The following ETS1 variants were observed in gnomAD, a reference collection of about 807,000 sequenced individuals.
The protein encoded by ETS1 is ETS proto-oncogene 1, transcription factor, also known as protein C-ets-1.
A neutral mutation model predicts 58.6 loss-of-function variants in ETS1; 15 were observed. The ratio of observed to expected loss-of-function variants is 0.26; its 90% CI spans 0.17 to 0.39. The LOEUF (loss-of-function observed/expected upper bound fraction) is 0.39. ETS1 is among the 10% of genes least tolerant of loss of function. ETS1 has a pLI of 1.00. For synonymous variants in ETS1, 214 were observed against 218.2 expected (o/e 0.98, Z 0.17); for missense variants, 417 against 610.5 (o/e 0.68, Z 3.34).
intron 3 of ETS1, among the ~76,000 whole-genome samples, chr11:128,514,731 T>C (rs749615265): frequency 1.1e-4 from 16 of 152,208 alleles, no homozygotes; most frequent in Non-Finnish European, 2.2e-4. Context: ...ACCACCCATC[T>C]ACCCATGAGG....
chr11:128,496,470 C>G (rs554349288), intron 3 of ETS1, among the ~76,000 whole-genome samples: 1 of 152,224 alleles, frequency 6.6e-6, no homozygotes, highest in Non-Finnish European at 1.5e-5. Context: ...AAGGTAATAT[C>G]ATTGCCAAAC....
intron 3 of ETS1, among the ~76,000 whole-genome samples, chr11:128,541,181 G>A (rs561250744): frequency 1.1e-4 from 17 of 152,264 alleles, no homozygotes; most frequent in South Asian, 2.1e-4. Context: ...GGCTGTGTCC[G>A]TCTCAGCACG....
intron 1 of ETS1, among the ~76,000 whole-genome samples, chr11:128,576,896 C>T (rs1014427894): frequency 6.6e-6 from 1 of 152,206 alleles, no homozygotes; most frequent in Non-Finnish European, 1.5e-5. Context: ...GAGGTTATTG[C>T]AGCCTGGAAT....
At chr11:128,504,305 G>T (rs1863172445) in intron 3 of ETS1, among the ~76,000 whole-genome samples, 1 of 152,104 alleles carries the variant, frequency 6.6e-6, no homozygotes, top group Admixed American at 6.5e-5. Context: ...GTCCTCTCCT[G>T]GTGTGTTCAC....
In ETS1 at chr11:128,573,136, T is replaced by C; in HGVS notation, c.-6A>G. 1 of 1,579,438 alleles carries C rather than the reference T, an allele frequency of 6.3e-7. No homozygotes were observed. Among genetic ancestry groups the C allele is most frequent in the Non-Finnish European group, 8.6e-7 (1 of 1,162,222 alleles). On this transcript the variant is annotated 5_prime_UTR_variant, in exon 2 of 10. Transcript: ENST00000392668. ...GAATCCACAAAGTAGCTCATTCTGC[T>C]CTCAGCACCTGTGTGAGAGAAGGCG...
chr11:128,477,960 TAGA>T, intron 8 of ETS1, among the ~76,000 whole-genome samples: 1 of 151,874 alleles, frequency 6.6e-6, no homozygotes. Context: ...TCACTAAAAG[TAGA>T]AAAGGGTACA....
rs1023731958 is a variant in ETS1, at chr11:128,464,216, A to T, written c.1124-589T>A. On this transcript the variant is annotated intron_variant, in intron 8 of 9. Transcript: ENST00000392668. The surrounding 1 kb of genome is among the most constrained non-coding windows in gnomAD (Gnocchi z 4.1). ...TGCCACCACCCTGCCCTTCCAGTCCACTTACAGGAAAGCACCCAAAGGAAA... is the reference window on the plus strand; with the variant it reads ...TGCCACCACCCTGCCCTTCCAGTCCTCTTACAGGAAAGCACCCAAAGGAAA... Among the ~76,000 whole-genome samples, 8 of 150,406 alleles carry T rather than the reference A, an allele frequency of 5.3e-5. No homozygotes were observed. The highest frequency in any genetic ancestry group is 2.0e-4 in the African/African-American group (8 of 40,544).
chr11:128,569,333 T>TTTTTTTTTTTTTTTTTTTTTTTTTG, intron 2 of ETS1, among the ~76,000 whole-genome samples: 1 of 129,162 alleles, frequency 7.7e-6, no homozygotes. Context: ...TTTTTTTTTT[T>TTTTTTTTTTTTTTTTTTTTTTTTTG]TTTTTTTTTG....
chr11:128,490,340 T>C, intron 4 of ETS1, 117 bp downstream of exon 4: 4 of 1,047,336 alleles, frequency 3.8e-6, no homozygotes, highest in East Asian at 4.8e-5. Context: ...CCATGGCCCA[T>C]AGCTGCTGAC....
At chr11:128,529,515 A>G (rs923464861) in intron 3 of ETS1, among the ~76,000 whole-genome samples, 1 of 152,214 alleles carries the variant, frequency 6.6e-6, no homozygotes, top group Admixed American at 6.5e-5. Flanking sequence ...CTAATGGGTA[A>G]TCAAGATGTT....
At chr11:128,472,693 A>G (rs1862218598) in intron 8 of ETS1, among the ~76,000 whole-genome samples, 1 of 152,154 alleles carries the variant, frequency 6.6e-6, no homozygotes. Context: ...TGAGACACAG[A>G]GCTCCTCCAG....
intron 3 of ETS1, among the ~76,000 whole-genome samples, chr11:128,531,072 C>A (rs1469402483): frequency 6.6e-6 from 1 of 152,190 alleles, no homozygotes; most frequent in African/African-American, 2.4e-5. Context: ...TCTTGCCAAG[C>A]AGAAACTACC....
At chr11:128,581,133 G>A (rs1321262708) in intron 1 of ETS1, among the ~76,000 whole-genome samples, 1 of 152,098 alleles carries the variant, frequency 6.6e-6, no homozygotes, top group East Asian at 1.9e-4. Flanking sequence ...CTTCTCAGTG[G>A]AAACAAATCC....
chr11:128,487,689 A>G (rs1275148068), intron 5 of ETS1, among the ~76,000 whole-genome samples: 1 of 152,198 alleles, frequency 6.6e-6, no homozygotes, highest in Non-Finnish European at 1.5e-5. Context: ...CAGTGAGCCG[A>G]CATCGCGCGA....
chr11:128,557,017 A>G (rs777299427), intron 2 of ETS1, among the ~76,000 whole-genome samples: 1 of 152,188 alleles, frequency 6.6e-6, no homozygotes, highest in Non-Finnish European at 1.5e-5. Context: ...TATGAACTCC[A>G]TAAAATATAC....
intron 5 of ETS1, among the ~76,000 whole-genome samples, chr11:128,488,104 C>T (rs970434680): frequency 3.3e-5 from 5 of 152,176 alleles, no homozygotes; most frequent in African/African-American, 1.2e-4. Flanking sequence ...TAGAAGTCAA[C>T]AGTCAAATCA....
chr11:128,550,035 G>A (rs1011527744), intron 3 of ETS1, among the ~76,000 whole-genome samples: 2 of 152,176 alleles, frequency 1.3e-5, no homozygotes, highest in Admixed American at 6.5e-5. Flanking sequence ...GATAGGCCAC[G>A]ACCTTTTAAC....
chr11:128,553,623 G>A (rs961071685), intron 3 of ETS1, among the ~76,000 whole-genome samples: 1 of 151,880 alleles, frequency 6.6e-6, no homozygotes, highest in Non-Finnish European at 1.5e-5. Context: ...CCACTCACCT[G>A]ATAAGTCTTT....
At chr11:128,522,423 C>G in intron 3 of ETS1, 1 of 890,908 alleles carries the variant, frequency 1.1e-6, no homozygotes, top group Non-Finnish European at 1.3e-6. Context: ...CGGGCGATGT[C>G]CGCTTGGGGG....
Sources: allele counts gnomAD v4.1 joint callset (sites outside exome capture counted in the v4.1 genomes callset), GRCh38; gene constraint gnomAD v4.1.1; non-coding constraint Gnocchi (gnomAD v3.1); transcripts MANE v1.5; gene names NCBI Gene and HGNC (gene_info 2026-07-23, HGNC 2026-07-21).